The following CDH16 variants were observed in gnomAD, a reference collection of about 807,000 sequenced individuals.
CDH16 encodes the protein cadherin 16, also known as cadherin-16.
In CDH16, 79 loss-of-function variants were observed where a neutral mutation model predicts 87.6. The ratio of observed to expected loss-of-function variants is 0.90; its 90% CI spans 0.75 to 1.09. CDH16 has a LOEUF of 1.09. CDH16 is among the 50% of genes least tolerant of loss of function. The pLI is 0.00. For synonymous variants in CDH16, 457 were observed against 439.5 expected, an observed-to-expected ratio of 1.04 and a Z score of -0.50; for missense variants, 1,124 against 1,071.7, an observed-to-expected ratio of 1.05 and a Z score of -0.68.
Position 66,912,781 on chromosome 16 carries a change from T to C in CDH16, c.1165A>G (p.Arg389Gly). ...SPEPEDGVEG[R>G]AFQVDPTSGS... Reference sequence around the variant, plus strand: ...GAAGTGGGGTCCACCTGGAAGGCTCTCCCCTCTACCCCATCCTCAGGCTCA... The same window carrying C: ...GAAGTGGGGTCCACCTGGAAGGCTCCCCCCTCTACCCCATCCTCAGGCTCA... Residue 389 changes from arginine (R) to glycine (G), a missense_variant, in exon 10 of 18, where the codon AGA becomes GGA. By Grantham distance (125) the Arg-to-Gly change is moderately radical. Coordinates refer to ENST00000299752, the MANE Select transcript of CDH16 (RefSeq NM_004062.4). 1 of 1,613,612 alleles carries C rather than the reference T, an allele frequency of 6.2e-7. No individual in the cohort carries two copies. Among genetic ancestry groups the C allele is most frequent in the East Asian group, 2.2e-5 (1 of 44,856 alleles).
chr16:66,912,935 G>T (rs1187494458), intron 9 of CDH16, 44 bp from the exon 10 acceptor site: 6 of 1,556,488 alleles, frequency 3.9e-6, no homozygotes, highest in Middle Eastern at 3.4e-4. Flanking sequence ...AGCCCAGCCT[G>T]GAGACCTTAC....
chr16:66,908,372 G>A lies in CDH16; in HGVS notation c.*20C>T. 1.2e-6 allele frequency: 2 copies of A among 1,607,098 alleles called. No individual in the cohort carries two copies. Among genetic ancestry groups the A allele is most frequent in the Non-Finnish European group, 1.7e-6 (2 of 1,174,390 alleles). ...GATGGAGCCAGAGGCCAAGCTCCCA[G>A]CTAGAGCTGCCTGGGCCATTCAGAC... On this transcript the variant is annotated 3_prime_UTR_variant, in exon 18 of 18. Coordinates refer to ENST00000299752, the MANE Select transcript of CDH16 (RefSeq NM_004062.4).
At chr16:66,918,137 A>G in intron 1 of CDH16, 59 bp from the exon 2 acceptor site, 1 of 1,194,490 alleles carries the variant, frequency 8.4e-7, no homozygotes, top group Admixed American at 2.4e-5. Context: ...TTTCCATCCC[A>G]CACACACAAC....
chr16:66,912,941 C>A (rs757678151), intron 9 of CDH16, 50 bp from the exon 10 acceptor site: 3 of 1,528,574 alleles, frequency 2.0e-6, no homozygotes, highest in Non-Finnish European at 2.7e-6. Flanking sequence ...GCCTGGAGAC[C>A]TTACCCCACC....
Position 66,912,673 on chromosome 16 carries a change from C to A in CDH16, c.1273G>T (p.Ala425Ser), listed in dbSNP as rs868685936. Residue 425 changes from alanine (A) to serine (S), a missense_variant, in exon 10 of 18, where the codon GCA (alanine) becomes TCA (serine). By Grantham distance (99) the Ala-to-Ser change is moderately conservative. Coordinates refer to ENST00000299752, the MANE Select transcript of CDH16 (RefSeq NM_004062.4). ...CAATCAGGGCACTTACCACCCTCTG[C>A]GCCTGCCAGGTCCATGGCCAGCACC... ...LLVLAMDLAG[A>S]EGGFSSTCEV... The A allele has an allele frequency of 1.9e-6, 3 of 1,613,974 alleles. No homozygotes were observed. The East Asian group carries it at 6.7e-5, about 36-fold the overall frequency.
intron 15 of CDH16, 26 bp downstream of exon 15, chr16:66,910,234 C>A: frequency 6.4e-7 from 1 of 1,569,226 alleles, no homozygotes; most frequent in Non-Finnish European, 8.7e-7. Context: ...TTGGCCACAG[C>A]CTCCCTCCCT....
At chr16:66,917,814 C>A (rs1596987963) in intron 2 of CDH16, 89 bp from the exon 3 acceptor site, 1 of 1,220,266 alleles carries the variant, frequency 8.2e-7, no homozygotes, top group East Asian at 2.5e-5. Context: ...CCGCCCCTTC[C>A]CAGGGCCTGG....
At chr16:66,913,640 G>T in intron 7 of CDH16, 27 bp from the exon 8 acceptor site, 1 of 1,612,454 alleles carries the variant, frequency 6.2e-7, no homozygotes, top group Non-Finnish European at 8.5e-7. Context: ...GGGCCAAGGG[G>T]CAGGAACAAT....
In CDH16 at chr16:66,917,708, C is replaced by G. The variant is rs768884942; in HGVS notation, c.63G>C (p.Gln21His). 1.2e-6 allele frequency: 2 copies of G among 1,612,524 alleles called. No homozygotes were observed. Among genetic ancestry groups the G allele is most frequent in the South Asian group, 2.2e-5 (2 of 90,630 alleles). Reference sequence around the variant, plus strand: ...GAACTTCCACAGACAGCTCTGCAGGCTGGGCCTTGGGGAGAGCCTGTGGGA... The same window carrying G: ...GAACTTCCACAGACAGCTCTGCAGGGTGGGCCTTGGGGAGAGCCTGTGGGA... ...VSVPQALPKA[Q>H]PAELSVEVPE... Residue 21 changes from glutamine (Q) to histidine (H), a missense_variant, in exon 3 of 18, where the codon CAG (glutamine) becomes CAC (histidine). Gln to His is a conservative substitution (Grantham distance 24). Coordinates refer to ENST00000299752, the MANE Select transcript of CDH16 (RefSeq NM_004062.4).
intron 13 of CDH16, 151 bp from the exon 14 acceptor site, chr16:66,911,466 C>T (rs1465477482): frequency 3.9e-6 from 3 of 764,948 alleles, no homozygotes; most frequent in East Asian, 2.7e-5. Context: ...TCTCTCTCTC[C>T]AGCTTCAGGA....
chr16:66,913,088 G>A, intron 9 of CDH16, 43 bp downstream of exon 9: 2 of 1,570,392 alleles, frequency 1.3e-6, no homozygotes, highest in Non-Finnish European at 1.7e-6. Context: ...GCAAGACCAG[G>A]TGGTTAATAG....
At chr16:66,912,175 T>G in intron 12 of CDH16, 35 bp from the exon 13 acceptor site, 1 of 1,605,204 alleles carries the variant, frequency 6.2e-7, no homozygotes, top group South Asian at 1.1e-5. Context: ...TGTGCGGGCC[T>G]GGGCAAGGCA....
At chr16:66,918,132 A>C in intron 1 of CDH16, 54 bp from the exon 2 acceptor site, 1 of 1,258,292 alleles carries the variant, frequency 7.9e-7, no homozygotes, top group Non-Finnish European at 1.1e-6. Context: ...GGGGCTTTCC[A>C]TCCCACACAC....
Position 66,912,592 on chromosome 16 carries a change from G to A in CDH16, c.1283-12C>T. Reference sequence around the variant, plus strand: ...CGTGCTGCTGAAGCCTAGGGCAGAGGTGGACGTGTTGGTGAGGTCAGGGTA... The same window carrying A: ...CGTGCTGCTGAAGCCTAGGGCAGAGATGGACGTGTTGGTGAGGTCAGGGTA... On this transcript the variant is annotated splice_polypyrimidine_tract_variant and intron_variant, in intron 10 of 17. Transcript: ENST00000299752. 6.2e-7 allele frequency: 1 copy of A among 1,614,214 alleles called. No homozygotes were observed. Among genetic ancestry groups the A allele is most frequent in the Non-Finnish European group, 8.5e-7 (1 of 1,180,038 alleles).
chr16:66,908,882 A>G (rs958992234), intron 17 of CDH16, among the ~76,000 whole-genome samples: 2 of 152,224 alleles, frequency 1.3e-5, no homozygotes, highest in African/African-American at 4.8e-5. Context: ...GGGGTGGCTT[A>G]GACTGATGCA....
rs941819425 is a variant in CDH16, at chr16:66,916,074, T to C, written c.415A>G (p.Thr139Ala). The stretch of plus-strand genomic sequence containing the variant: ...TGCCCTGGTCACTCACCAGGCCTGG[T>C]ACCCCGGCTCAGCCGAGCTCTGTAG... ...AIYRARLSRG[T>A]RPGIPFLFLE... Residue 139 changes from threonine to alanine, a missense_variant, in exon 5 of 18, where the codon ACC becomes GCC. Transcript: ENST00000299752. This position sits in a 1 kb window ranked among gnomAD's most constrained non-coding sequence, Gnocchi z 4.1. 2 of 1,614,154 alleles carry C rather than the reference T, an allele frequency of 1.2e-6. No individual in the cohort carries two copies. The highest frequency in any genetic ancestry group is 3.3e-5 in the Admixed American group (2 of 60,026).
Position 66,916,440 on chromosome 16 carries a change from T to A in CDH16, c.130-11A>T, listed in dbSNP as rs747514405. ...ACGGGGCAGCGGCAACTGATGGAAA[T>A]GAACAGAAGTGAAGGGAGCGGTGGC... On this transcript the variant is annotated splice_polypyrimidine_tract_variant and intron_variant, in intron 3 of 17. Coordinates refer to ENST00000299752, the MANE Select transcript of CDH16 (RefSeq NM_004062.4). The surrounding 1 kb of genome is among the most constrained non-coding windows in gnomAD (Gnocchi z 4.1). 4 of 1,585,974 alleles carry A rather than the reference T, an allele frequency of 2.5e-6. No homozygotes were observed. Among genetic ancestry groups the A allele is most frequent in the Non-Finnish European group, 3.4e-6 (4 of 1,163,826 alleles).
Position 66,915,218 on chromosome 16 carries a change from AC to A in CDH16, c.583+1del. On this transcript the variant is annotated splice_donor_variant, in intron 6 of 17. Coordinates refer to ENST00000299752, the MANE Select transcript of CDH16 (RefSeq NM_004062.4). LOFTEE classifies it high-confidence loss of function. ...TCCCCAGCACACCCCGCTCGGGCTTACCCTTGGGGCTGAGGGCCAGAGCCCC... is the reference window on the plus strand; with the variant it reads ...TCCCCAGCACACCCCGCTCGGGCTTACCTTGGGGCTGAGGGCCAGAGCCCC... 2 of 1,606,894 alleles carry A rather than the reference AC, an allele frequency of 1.2e-6. No individual in the cohort carries two copies. The highest frequency in any genetic ancestry group is 4.5e-5 in the East Asian group (2 of 44,682).
chr16:66,917,327 C>A (rs924874787), intron 3 of CDH16, among the ~76,000 whole-genome samples: 4 of 151,966 alleles, frequency 2.6e-5, no homozygotes, highest in African/African-American at 9.7e-5. Context: ...ATAACGTTAC[C>A]TTCAGGCTAT....
Sources: gnomAD v4.1 joint callset for allele counts (sites outside exome capture counted in the v4.1 genomes callset) on GRCh38, gnomAD v4.1.1 for gene constraint, Gnocchi (gnomAD v3.1) non-coding constraint, MANE v1.5 for transcripts, NCBI Gene and HGNC (gene_info 2026-07-23, HGNC 2026-07-21) for gene names.